SYNPR: variants seen among roughly 807,000 people sequenced by gnomAD.
SYNPR encodes synaptoporin.
Under a neutral mutation model 32.9 loss-of-function variants are expected in SYNPR, and 23 were observed. That is an observed-to-expected ratio of 0.70 (90% confidence interval 0.50 to 0.99). The LOEUF is 0.99. SYNPR is among the 50% of genes least tolerant of loss of function. The pLI, the probability that SYNPR is intolerant of heterozygous loss-of-function variation, is 0.00. For synonymous variants in SYNPR, 146 were observed against 135.9 expected (o/e 1.07, Z -0.52); for missense variants, 318 against 349.3 (o/e 0.91, Z 0.71).
chr3:63,564,579 T>A (rs939714453), intron 4 of SYNPR, among the ~76,000 whole-genome samples: 1 of 152,100 alleles, frequency 6.6e-6, no homozygotes, highest in East Asian at 1.9e-4. Context: ...GGACTTCACC[T>A]TAAATGAACT....
chr3:63,386,958 A>C (rs577000326), intron 2 of SYNPR, among the ~76,000 whole-genome samples: 1 of 152,180 alleles, frequency 6.6e-6, no homozygotes, highest in African/African-American at 2.4e-5. Flanking sequence ...ATATTTCAAA[A>C]CAAATGGCAG....
intron 2 of SYNPR, among the ~76,000 whole-genome samples, chr3:63,287,030 C>G (rs1422820206): frequency 6.6e-6 from 1 of 152,148 alleles, no homozygotes; most frequent in Admixed American, 6.5e-5. Flanking sequence ...GGAACTAAGT[C>G]CTTCCAACCA....
chr3:63,254,157 G>C (rs912771223), intron 2 of SYNPR, among the ~76,000 whole-genome samples: 4 of 152,086 alleles, frequency 2.6e-5, no homozygotes, highest in Non-Finnish European at 5.9e-5. Context: ...ATCACACACC[G>C]GGGCGTGTTG....
chr3:63,588,269 G>A (rs752443076), intron 4 of SYNPR, among the ~76,000 whole-genome samples: 11 of 152,024 alleles, frequency 7.2e-5, no homozygotes, highest in Admixed American at 5.2e-4. Context: ...TTCGGTTGAT[G>A]AGAAAACATT....
chr3:63,491,971 G>A (rs967132114), intron 3 of SYNPR, among the ~76,000 whole-genome samples: 2 of 152,062 alleles, frequency 1.3e-5, no homozygotes, highest in African/African-American at 4.8e-5. Context: ...GGCACGATAA[G>A]AGGAAGTGGT....
chr3:63,370,726 T>G (rs951410539), intron 2 of SYNPR, among the ~76,000 whole-genome samples: 1 of 152,176 alleles, frequency 6.6e-6, no homozygotes, highest in African/African-American at 2.4e-5. Flanking sequence ...ATTTTGAGGT[T>G]GTTTAGATAT....
intron 2 of SYNPR, among the ~76,000 whole-genome samples, chr3:63,334,986 T>G (rs141866005): frequency 1.1e-3 from 168 of 152,266 alleles, no homozygotes; most frequent in African/African-American, 3.2e-3. Flanking sequence ...ACAGCTCTGT[T>G]CTCTGGGGTA....
intron 2 of SYNPR, among the ~76,000 whole-genome samples, chr3:63,345,602 C>G (rs930300900): frequency 6.6e-6 from 1 of 152,144 alleles, no homozygotes; most frequent in African/African-American, 2.4e-5. Context: ...CTTTCTCCCT[C>G]TCGCCTAGCC....
At chr3:63,206,493 G>A in the SYNPR span, among the ~76,000 whole-genome samples, 6 of 152,088 alleles carry the variant, frequency 3.9e-5, no homozygotes, top group Non-Finnish European at 7.4e-5. Context: ...CCCAGGAGGC[G>A]GAGGTTGCAG....
chr3:63,359,804 T>G (rs1052294593), intron 2 of SYNPR, among the ~76,000 whole-genome samples: 1 of 152,182 alleles, frequency 6.6e-6, no homozygotes. Context: ...TCCATATTGA[T>G]ATGGTGGAAA....
At chr3:63,332,999 G>A (rs570169142) in intron 2 of SYNPR, among the ~76,000 whole-genome samples, 27 of 152,172 alleles carry the variant, frequency 1.8e-4, no homozygotes, top group South Asian at 2.1e-4. Flanking sequence ...AACCAAAAAT[G>A]TCTCCAGATA....
upstream of SYNPR, among the ~76,000 whole-genome samples, chr3:63,224,550 A>G (rs760467136): frequency 1.3e-5 from 2 of 152,192 alleles, no homozygotes; most frequent in Non-Finnish European, 2.9e-5. Context: ...TAAAGGGACA[A>G]CCTACATTTT....
Position 63,480,939 on chromosome 3 carries a change from G to A in SYNPR, c.192G>A (p.Ala64=), listed in dbSNP as rs773210305. Residue 64 remains alanine, a synonymous_variant, in exon 3 of 6, where the codon GCG becomes GCA. Transcript: ENST00000478300. Reference sequence around the variant, plus strand: ...AAAGTAACCTCAGCATCGACATAGCGTTTGCCTACCCATTCAGGTAGGGAA... The same window carrying A: ...AAAGTAACCTCAGCATCGACATAGCATTTGCCTACCCATTCAGGTAGGGAA... ...KTESNLSIDI[A]FAYPFRLHQV... The A allele has an allele frequency of 2.6e-5, 42 of 1,612,402 alleles. No homozygotes were observed. Among genetic ancestry groups the A allele is most frequent in the Admixed American group, 2.2e-4 (13 of 59,892 alleles).
chr3:63,507,264 A>C (rs1701606866), intron 3 of SYNPR, among the ~76,000 whole-genome samples: 1 of 151,804 alleles, frequency 6.6e-6, no homozygotes, highest in South Asian at 2.1e-4. Context: ...TCTGCCCCAA[A>C]TGTTTATAAA....
chr3:63,503,924 T>C (rs902775195), intron 3 of SYNPR, among the ~76,000 whole-genome samples: 11 of 152,116 alleles, frequency 7.2e-5, no homozygotes, highest in Non-Finnish European at 1.3e-4. Flanking sequence ...TTGCCTTTAG[T>C]AATGCCATTT....
chr3:63,539,227 A>C (rs1297117996), intron 3 of SYNPR, among the ~76,000 whole-genome samples: 1 of 152,154 alleles, frequency 6.6e-6, no homozygotes, highest in Non-Finnish European at 1.5e-5. Flanking sequence ...TTAGTCATTC[A>C]ATAGATGGGT....
chr3:63,331,951 T>C (rs773873812), intron 2 of SYNPR, among the ~76,000 whole-genome samples: 1 of 152,084 alleles, frequency 6.6e-6, no homozygotes, highest in Non-Finnish European at 1.5e-5. Flanking sequence ...ATGGGAAAAA[T>C]TGAAAATGAT....
intron 2 of SYNPR, among the ~76,000 whole-genome samples, chr3:63,410,834 G>A (rs1440966946): frequency 6.6e-6 from 1 of 152,144 alleles, no homozygotes; most frequent in Non-Finnish European, 1.5e-5. Context: ...CCCTGACTTT[G>A]AGGAGGACAG....
intron 3 of SYNPR, among the ~76,000 whole-genome samples, 155 bp downstream of exon 3, chr3:63,481,111 A>G (rs1011414605): frequency 6.6e-6 from 1 of 151,980 alleles, no homozygotes; most frequent in East Asian, 1.9e-4. Flanking sequence ...GTGCCCACTC[A>G]CCACCTAGTG....
Sources: allele counts gnomAD v4.1 joint callset (sites outside exome capture counted in the v4.1 genomes callset), GRCh38; gene constraint gnomAD v4.1.1; transcripts MANE v1.5; gene names NCBI Gene and HGNC (gene_info 2026-07-23, HGNC 2026-07-21).